ARVCF: variants seen among roughly 807,000 people sequenced by gnomAD.
ARVCF encodes the protein splicing regulator ARVCF.
Under a neutral mutation model 90.9 loss-of-function variants are expected in ARVCF, and 66 were observed. The observed-to-expected ratio is 0.73, with a 90% CI of 0.60 to 0.89. ARVCF has a LOEUF of 0.89. Ranked by LOEUF, ARVCF falls within the 40% of genes least tolerant of loss-of-function variation. The pLI is 0.00. For synonymous variants in ARVCF, 653 were observed against 603.4 expected (o/e 1.08, Z -1.21); for missense variants, 1,469 against 1,382.3 (o/e 1.06, Z -1.00).
chr22:19,981,669 G>A lies in ARVCF; in HGVS notation c.438C>T (p.Leu146=). The A allele has an allele frequency of 6.2e-7, 1 of 1,607,086 alleles. No homozygotes were observed. Among genetic ancestry groups the A allele is most frequent in the Non-Finnish European group, 8.5e-7 (1 of 1,177,490 alleles). Residue 146 remains leucine, a synonymous_variant, in exon 5 of 20, where the codon CTC becomes CTT. Transcript: ENST00000263207. ...GTGGGGGGCCGCCATCCAGCAGGGG[G>A]AGTCCATCTGGGCCCACGGGCACCT... is the stretch of plus-strand genomic sequence containing the variant. ...VRQVPVGPDG[L]PLLDGGPPLG...
chr22:19,991,695 G>C (rs1409789153), intron 2 of ARVCF, among the ~76,000 whole-genome samples: 1 of 152,240 alleles, frequency 6.6e-6, no homozygotes, highest in Non-Finnish European at 1.5e-5. Context: ...GGCAGCCGCA[G>C]AGACAAACCA....
At chr22:19,966,436 TA>T (rs362115), downstream of ARVCF, among the ~76,000 whole-genome samples, 24,787 of 135,094 alleles carry the variant, frequency 0.18, 2,418 homozygotes, top group African/African-American at 0.26. Flanking sequence ...AGTTCCCCCT[TA>T]AAAAAAAAAA....
At chr22:19,970,825 C>A in intron 19 of ARVCF, 82 bp from the exon 20 acceptor site, 1 of 1,285,476 alleles carries the variant, frequency 7.8e-7, no homozygotes, top group Admixed American at 2.3e-5. Flanking sequence ...GGGCAGCCAA[C>A]TCCACAGGCT....
chr22:19,996,850 T>TC (rs1204927889), intron 2 of ARVCF, among the ~76,000 whole-genome samples: 3 of 151,990 alleles, frequency 2.0e-5, no homozygotes, highest in Admixed American at 6.5e-5. Context: ...AAATTTGATT[T>TC]CCCCAGCAGA....
At chr22:19,968,740 C>CT (rs1489920198), downstream of ARVCF, 5 of 1,471,694 alleles carry the variant, frequency 3.4e-6, no homozygotes, top group East Asian at 1.2e-4. Flanking sequence ...GCCCTGACTG[C>CT]CCCCCCGGCC....
At chr22:19,997,715 T>C (rs1944303035) in intron 2 of ARVCF, among the ~76,000 whole-genome samples, 1 of 152,182 alleles carries the variant, frequency 6.6e-6, no homozygotes, top group Non-Finnish European at 1.5e-5. Context: ...CTGCAGAGGC[T>C]GCCAGTGCAG....
intron 11 of ARVCF, among the ~76,000 whole-genome samples, chr22:19,974,785 C>T (rs1943057856): frequency 6.6e-6 from 1 of 152,134 alleles, no homozygotes; most frequent in Non-Finnish European, 1.5e-5. Context: ...TCAACTGATG[C>T]AGTGCAACCA....
rs1943454723 is a variant in ARVCF at position 19,980,917 on chromosome 22, T to C, written c.896+294A>G. On this transcript the variant is annotated intron_variant, in intron 5 of 19. Coordinates refer to ENST00000263207, the MANE Select transcript of ARVCF (RefSeq NM_001670.3). ...GCAATGGGGACAGAACCAGGGGCTG[T>C]GACAAGGGCCAGGGCTCTGGGTTCT... is the stretch of plus-strand genomic sequence containing the variant. 4 of 396,954 alleles carry C rather than the reference T, an allele frequency of 1.0e-5. No individual in the cohort carries two copies. The East Asian group carries it at 1.6e-4, about 16-fold the overall frequency. 24.6% of individuals were successfully genotyped at this position (396,954 alleles called of 1,614,324 possible).
At chr22:19,975,810 G>GT (rs1943123025) in intron 10 of ARVCF, 53 bp from the exon 11 acceptor site, 16 of 1,584,278 alleles carry the variant, frequency 1.0e-5, no homozygotes, top group South Asian at 3.3e-5. Flanking sequence ...GGGAATGGGT[G>GT]TATCAGGAGA....
At chr22:19,974,396 C>G (rs1026966598) in intron 11 of ARVCF, 157 bp from the exon 12 acceptor site, 1 of 892,126 alleles carries the variant, frequency 1.1e-6, no homozygotes, top group Non-Finnish European at 1.6e-6. Context: ...AACATATAGT[C>G]ACCCAAGGGG....
chr22:19,981,059 T>G, intron 5 of ARVCF, 152 bp downstream of exon 5: 2 of 1,050,034 alleles, frequency 1.9e-6, no homozygotes, highest in Middle Eastern at 3.2e-4. Flanking sequence ...GGGTCCACCT[T>G]TCTTCTGTCC....
At chr22:19,972,884 A>G in intron 15 of ARVCF, 41 bp downstream of exon 15, 2 of 1,613,838 alleles carry the variant, frequency 1.2e-6, no homozygotes, top group Non-Finnish European at 1.7e-6. Flanking sequence ...GGAATAAGGC[A>G]AAGTGAGCAG....
At position 19,980,203 on chromosome 22, in the gene ARVCF, C is replaced by T. The variant is rs544692815; in HGVS notation, c.936G>A (p.Ala312=). 41 of 1,544,958 alleles carry T rather than the reference C, an allele frequency of 2.7e-5. No individual in the cohort carries two copies. In the African/African-American group the frequency reaches 2.7e-4, roughly 10 times the overall value. The change falls in exon 6 of 20, where the codon GCG becomes GCA. Residue 312 remains alanine, a synonymous_variant. Coordinates refer to ENST00000263207, the MANE Select transcript of ARVCF (RefSeq NM_001670.3). ...EDTADDGGEL[A]DERPAFPMVT... ...CCATTGGGAACGCAGGCCGCTCGTC[C>T]GCCAGCTCGCCGCCATCATCTGCTG... is the stretch of plus-strand genomic sequence containing the variant.
At chr22:19,987,747 C>T (rs987721742) in intron 3 of ARVCF, among the ~76,000 whole-genome samples, 2 of 152,012 alleles carry the variant, frequency 1.3e-5, no homozygotes, top group African/African-American at 4.8e-5. Context: ...AATGGGCCTG[C>T]GAAGAACTGT....
intron 2 of ARVCF, among the ~76,000 whole-genome samples, chr22:20,005,379 A>C (rs1335043883): frequency 6.6e-6 from 1 of 152,142 alleles, no homozygotes; most frequent in East Asian, 1.9e-4. Context: ...GTCTAAAAAA[A>C]AAAAAAAAGT....
rs202000927 is a variant in ARVCF, at chr22:19,971,968, C to G, written c.2699G>C (p.Gly900Ala). Residue 900 changes from glycine to alanine, a missense_variant, in exon 18 of 20, where the codon GGA becomes GCA. Coordinates refer to ENST00000263207, the MANE Select transcript of ARVCF (RefSeq NM_001670.3). ...CTCCCTCCGGTCCACCGTGGAGTAT[C>G]CGTCTGTAGATGGGGTAAGGTGGGG... Reference protein sequence around the residue: ...VIPMDALGPDGYSTVDRRERR... With the variant: ...VIPMDALGPDAYSTVDRRERR... 12 of 1,609,544 alleles carry G rather than the reference C, an allele frequency of 7.5e-6. No individual in the cohort carries two copies. In the Admixed American group the frequency reaches 1.2e-4, roughly 16 times the overall value.
In ARVCF at chr22:19,980,091, G is replaced by A. The variant is rs534677992; in HGVS notation, c.1048C>T (p.Arg350Cys). ...VRRSPSVDSARKEPRWRDPEL... is the reference protein window; with the variant it reads ...VRRSPSVDSACKEPRWRDPEL... ...GGGTCCCGCCAGCGCGGCTCCTTGC[G>A]GGCGCTATCCACTGAGGGCGAGCGC... Residue 350 changes from arginine (R) to cysteine (C), a missense_variant, in exon 6 of 20, where the codon CGC becomes TGC. Coordinates refer to ENST00000263207, the MANE Select transcript of ARVCF (RefSeq NM_001670.3). The A allele has an allele frequency of 2.6e-5, 41 of 1,583,760 alleles. No individual in the cohort carries two copies. The highest frequency in any genetic ancestry group is 6.9e-5 in the Admixed American group (4 of 57,788).
At chr22:19,979,275 A>G in intron 6 of ARVCF, 195 bp from the exon 7 acceptor site, 1 of 634,068 alleles carries the variant, frequency 1.6e-6, no homozygotes, top group East Asian at 2.8e-5. Flanking sequence ...CCCAAAGGGG[A>G]GGAGGTGCAG....
intron 2 of ARVCF, among the ~76,000 whole-genome samples, chr22:19,995,391 G>C (rs984480816): frequency 6.6e-6 from 1 of 151,830 alleles, no homozygotes; most frequent in African/African-American, 2.4e-5. Context: ...TGGAAGGGGG[G>C]GTGGGCTGTG....
Sources: allele counts gnomAD v4.1 joint callset (sites outside exome capture counted in the v4.1 genomes callset), GRCh38; gene constraint gnomAD v4.1.1; transcripts MANE v1.5; gene names NCBI Gene and HGNC (gene_info 2026-07-23, HGNC 2026-07-21).